Variants in LRP8 observed in about 807,000 individuals in gnomAD.
The protein encoded by LRP8 is low-density lipoprotein receptor-related protein 8.
A neutral mutation model predicts 111.6 loss-of-function variants in LRP8; 46 were observed. The observed-to-expected ratio is 0.41, with a 90% CI of 0.33 to 0.53. The LOEUF is 0.53. LRP8 is among the 20% of genes least tolerant of loss of function. The pLI is 0.20. For missense variants in LRP8, 959 were observed against 1,297.4 expected, an observed-to-expected ratio of 0.74 and a Z score of 4.01; for synonymous variants, 464 against 511.2, an observed-to-expected ratio of 0.91 and a Z score of 1.24.
In LRP8 at chr1:53,251,000, G is replaced by T. The variant is rs1231702687; in HGVS notation, c.2504-138C>A. ...TGTTTCTGCATGTTCTTTTACTGCT[G>T]TTTGAAAGCCCATCTCTCATCCCTT... On this transcript the variant is annotated intron_variant, in intron 16 of 18. Transcript: ENST00000306052. This position sits in a 1 kb window ranked among gnomAD's most constrained non-coding sequence, Gnocchi z 4.6. 12 of 678,348 alleles carry T rather than the reference G, an allele frequency of 1.8e-5. No individual in the cohort carries two copies. Among genetic ancestry groups the T allele is most frequent in the South Asian group, 3.7e-5 (2 of 54,774 alleles). 42.0% of individuals were successfully genotyped at this position (678,348 alleles called of 1,614,324 possible).
At chr1:53,280,776 C>T in intron 3 of LRP8, 61 bp from the exon 4 acceptor site, 2 of 1,592,438 alleles carry the variant, frequency 1.3e-6, no homozygotes, top group Non-Finnish European at 1.7e-6. Context: ...TGGTGCCAAC[C>T]AGTCCTACCA....
intron 3 of LRP8, among the ~76,000 whole-genome samples, chr1:53,289,176 A>G (rs578197232): frequency 6.6e-6 from 1 of 152,342 alleles, no homozygotes; most frequent in South Asian, 2.1e-4. Flanking sequence ...CAAAGGCATT[A>G]ATGCACACAG....
chr1:53,265,377 T>C (rs1447502277), intron 9 of LRP8, among the ~76,000 whole-genome samples: 1 of 152,132 alleles, frequency 6.6e-6, no homozygotes, highest in Non-Finnish European at 1.5e-5. Flanking sequence ...TGTCCAAAAC[T>C]GTTCATCCCC....
chr1:53,299,858 G>A (rs901652193), intron 2 of LRP8, among the ~76,000 whole-genome samples: 2 of 152,248 alleles, frequency 1.3e-5, no homozygotes, highest in African/African-American at 2.4e-5. Flanking sequence ...TTCATGGCAT[G>A]GTGAGTTGGA....
rs1203477649 is a variant in LRP8 at position 53,246,896 on chromosome 1, T to A, written c.*122A>T. 3.7e-6 allele frequency: 3 copies of A among 803,052 alleles called. No individual in the cohort carries two copies. In the African/African-American group the frequency reaches 5.5e-5, roughly 15 times the overall value. The allele number at this position is 803,052 out of a possible 1,614,324, so 49.7% of individuals were successfully genotyped here. ...CCGCAACATAAATTTAAAAAAAAAA[T>A]CACACACACACATACACTCACACAG... On this transcript the variant is annotated 3_prime_UTR_variant, in exon 19 of 19. Coordinates refer to ENST00000306052, the MANE Select transcript of LRP8 (RefSeq NM_004631.5).
rs1294499837 is a variant in LRP8 at position 53,262,451 on chromosome 1, G to A, written c.1769C>T (p.Thr590Ile). 1 of 1,613,942 alleles carries A rather than the reference G, an allele frequency of 6.2e-7. No homozygotes were observed. Among genetic ancestry groups the A allele is most frequent in the Non-Finnish European group, 8.5e-7 (1 of 1,179,964 alleles). The change falls in exon 11 of 19, where the codon ACC becomes ATC. Residue 590 changes from threonine (T) to isoleucine (I), a missense_variant. Physicochemically the swap from Thr to Ile is moderately conservative, Grantham distance 89. Transcript: ENST00000306052. The surrounding 1 kb of genome is among the most constrained non-coding windows in gnomAD (Gnocchi z 4.8). ...SDNIEWPNGI[T>I]LDLLSQRLYW... ...CCAGGAAAGGCAGGGCTCACCCAGGGTGATTCCGTTGGGCCATTCAATATT... is the reference window on the plus strand; with the variant it reads ...CCAGGAAAGGCAGGGCTCACCCAGGATGATTCCGTTGGGCCATTCAATATT...
Position 53,292,579 on chromosome 1 carries a change from G to A in LRP8, c.245-2890C>T, listed in dbSNP as rs370678910. On this transcript the variant is annotated intron_variant, in intron 2 of 18. Transcript: ENST00000306052. ...GGAATTTCCTAATGTGAACACCAGT[G>A]GTTTTCCCCCCACAAGAAGCTCAGC... Among the ~76,000 whole-genome samples the A allele has an allele frequency of 1.0e-3, 154 of 152,294 alleles. 3 individuals are homozygous for A. In the South Asian group the frequency reaches 0.03, roughly 30 times the overall value.
intron 5 of LRP8, 61 bp downstream of exon 5, chr1:53,276,631 C>T: frequency 8.8e-6 from 12 of 1,362,560 alleles, no homozygotes; most frequent in Non-Finnish European, 1.2e-5. Context: ...CCTGGCGGAT[C>T]CGGATCGGAT....
Position 53,249,581 on chromosome 1 carries a change from T to A in LRP8, c.2677-25A>T. ...CCTGACAGGGGGATGGCACTGTGGATGACCTCTGAGGTCACACTCAGCCCC... is the reference window on the plus strand; with the variant it reads ...CCTGACAGGGGGATGGCACTGTGGAAGACCTCTGAGGTCACACTCAGCCCC... On this transcript the variant is annotated intron_variant, in intron 17 of 18. Transcript: ENST00000306052. The surrounding 1 kb of genome is among the most constrained non-coding windows in gnomAD (Gnocchi z 4.1). The A allele has an allele frequency of 1.9e-6, 3 of 1,563,534 alleles. No homozygotes were observed. The highest frequency in any genetic ancestry group is 1.7e-6 in the Non-Finnish European group (2 of 1,154,334).
chr1:53,317,947 C>CTG lies in LRP8; in HGVS notation c.244+8925_244+8926insCA, dbSNP rs1654021825. ...AATCCAGCCCACCAAGCCAGCTATA[C>CTG]TCCCCGCACTGTCACCAGGTAGTAA... On this transcript the variant is annotated intron_variant, in intron 2 of 18. Transcript: ENST00000306052. This position sits in a 1 kb window ranked among gnomAD's most constrained non-coding sequence, Gnocchi z 4.9. Among the ~76,000 whole-genome samples the CTG allele has an allele frequency of 2.6e-5, 4 of 152,214 alleles. No homozygotes were observed. Among genetic ancestry groups the CTG allele is most frequent in the African/African-American group, 7.2e-5 (3 of 41,458 alleles).
chr1:53,274,670 C>G (rs1036051607), intron 6 of LRP8: 2 of 456,078 alleles, frequency 4.4e-6, no homozygotes, highest in African/African-American at 4.0e-5. Context: ...GAGACTGAGT[C>G]CAGCCAGTGG....
rs1307254948 is a variant in LRP8 at position 53,260,603 on chromosome 1, G to C, written c.1917C>G (p.Asp639Glu). 6.2e-7 allele frequency: 1 copy of C among 1,613,952 alleles called. No homozygotes were observed. Among genetic ancestry groups the C allele is most frequent in the Non-Finnish European group, 8.5e-7 (1 of 1,179,964 alleles). The change falls in exon 13 of 19, where the codon GAC becomes GAG. Residue 639 changes from aspartate (D) to glutamate (E), a missense_variant and splice_region_variant. Transcript: ENST00000306052. ...TCTCCAGGTCTGTCCAGAACACCTT[G>C]TCCTGTGGGGTATAGATGCAGAGGA... Reference protein sequence around the residue: ...SHPFGIAVFEDKVFWTDLENE... With the variant: ...SHPFGIAVFEEKVFWTDLENE...
chr1:53,277,519 C>A (rs1199323727), intron 4 of LRP8, among the ~76,000 whole-genome samples: 1 of 152,176 alleles, frequency 6.6e-6, no homozygotes, highest in Non-Finnish European at 1.5e-5. Context: ...GGCCTGGTAT[C>A]CAAGGCGTCT....
intron 3 of LRP8, among the ~76,000 whole-genome samples, chr1:53,281,722 T>G (rs1647117456): frequency 6.6e-6 from 1 of 152,318 alleles, no homozygotes; most frequent in South Asian, 2.1e-4. Context: ...TCCTTATCTC[T>G]GTGCCAATAA....
Position 53,276,936 on chromosome 1 carries a change from G to A in LRP8, c.639C>T (p.Cys213=), listed in dbSNP as rs1317702590. Residue 213 remains cysteine, a synonymous_variant, in exon 5 of 19, where the codon TGC becomes TGT. Transcript: ENST00000306052. ...TGCAGGCGCCGCCGCCATCGCCGCC[G>A]CAGCGGAACTCGCGGGGCCCGCAGG... ...DPACGPREFR[C]GGDGGGACIP... 4 of 1,455,064 alleles carry A rather than the reference G, an allele frequency of 2.7e-6. No homozygotes were observed. In the South Asian group the frequency reaches 5.1e-5, roughly 18 times the overall value. 90.1% of individuals were successfully genotyped at this position (1,455,064 alleles called of 1,614,324 possible).
chr1:53,311,594 C>A (rs951095230), intron 2 of LRP8, among the ~76,000 whole-genome samples: 4 of 144,244 alleles, frequency 2.8e-5, no homozygotes, highest in Admixed American at 1.3e-4. Flanking sequence ...ACCCTCCCTG[C>A]CCCCAGCCTC....
At chr1:53,280,331 T>C (rs1188965252) in intron 4 of LRP8, among the ~76,000 whole-genome samples, 3 of 152,216 alleles carry the variant, frequency 2.0e-5, no homozygotes, top group African/African-American at 7.2e-5. Context: ...CTTGGGTACT[T>C]TTCCTCCCTT....
chr1:53,281,083 C>CTT (rs1647091832), intron 3 of LRP8, among the ~76,000 whole-genome samples: 2 of 152,328 alleles, frequency 1.3e-5, no homozygotes, highest in African/African-American at 2.4e-5. Flanking sequence ...TGCCATTTCC[C>CTT]AGCTGTGTGC....
Position 53,327,947 on chromosome 1 carries a change from C to T in LRP8, c.-35G>A. ...GGGGCTCCGGCCGCCGCGCCCCGCGCTCCCCGCGCCGCCGCCGCCGCGTCT... is the reference window on the plus strand; with the variant it reads ...GGGGCTCCGGCCGCCGCGCCCCGCGTTCCCCGCGCCGCCGCCGCCGCGTCT... On this transcript the variant is annotated 5_prime_UTR_variant, in exon 1 of 19. Coordinates refer to ENST00000306052, the MANE Select transcript of LRP8 (RefSeq NM_004631.5). 2 of 1,113,044 alleles carry T rather than the reference C, an allele frequency of 1.8e-6. No individual in the cohort carries two copies. Among genetic ancestry groups the T allele is most frequent in the Non-Finnish European group, 2.2e-6 (2 of 914,580 alleles). 68.9% of individuals were successfully genotyped at this position (1,113,044 alleles called of 1,614,324 possible).
Sources: allele counts gnomAD v4.1 joint callset (sites outside exome capture counted in the v4.1 genomes callset), GRCh38; gene constraint gnomAD v4.1.1; non-coding constraint Gnocchi (gnomAD v3.1); transcripts MANE v1.5; gene names NCBI Gene and HGNC (gene_info 2026-07-23, HGNC 2026-07-21).